The following NR1I2 variants were observed in gnomAD, a reference collection of about 807,000 sequenced individuals.
NR1I2 encodes nuclear receptor subfamily 1 group I member 2, also known as orphan nuclear receptor PAR1.
NR1I2 carries 42 observed loss-of-function variants against 43.3 expected under a neutral mutation model. That is an observed-to-expected ratio of 0.97 (90% CI 0.76 to 1.26). The LOEUF is 1.26. Among genes scored for constraint, NR1I2 ranks in the 50% most tolerant of loss-of-function variants. The pLI is 0.00. For missense variants in NR1I2, 559 were observed against 566.7 expected (o/e 0.99, Z 0.14); for synonymous variants, 229 against 215.0 (o/e 1.06, Z -0.57).
chr3:119,815,281 G>T (rs1438587561), intron 6 of NR1I2, 42 bp from the exon 7 acceptor site: 1 of 1,585,906 alleles, frequency 6.3e-7, no homozygotes, highest in South Asian at 1.1e-5. Flanking sequence ...ATCTTGGTCA[G>T]CTTGCTGAGA....
chr3:119,811,808 A>G, intron 4 of NR1I2, 82 bp downstream of exon 4: 1 of 1,329,416 alleles, frequency 7.5e-7, no homozygotes, highest in Non-Finnish European at 1.1e-6. Context: ...AAGGATAAGA[A>G]ACTTATACAA....
chr3:119,809,361 C>T (rs2055203369), intron 2 of NR1I2, among the ~76,000 whole-genome samples: 1 of 152,002 alleles, frequency 6.6e-6, no homozygotes, highest in Non-Finnish European at 1.5e-5. Flanking sequence ...TGTGCGGGCC[C>T]GTGGGTCCCG....
At chr3:119,793,781 G>A (rs934761111) in intron 1 of NR1I2, among the ~76,000 whole-genome samples, 2 of 152,202 alleles carry the variant, frequency 1.3e-5, no homozygotes, top group African/African-American at 4.8e-5. Context: ...CTGGGGATAA[G>A]GGTGCAGACA....
intron 1 of NR1I2, among the ~76,000 whole-genome samples, chr3:119,803,349 A>AAGAGAGAG (rs3030842): frequency 8.1e-5 from 12 of 148,016 alleles, no homozygotes; most frequent in African/African-American, 3.0e-4. Context: ...TCTGTCTCAA[A>AAGAGAGAG]AGAGAGAGAG....
At chr3:119,809,976 G>C (rs762516816) in intron 2 of NR1I2, 85 bp from the exon 3 acceptor site, 320 of 1,567,906 alleles carry the variant, frequency 2.0e-4, no homozygotes, top group Non-Finnish European at 2.6e-4. Context: ...GTAGGGGCTG[G>C]GGAGGGAGGT....
chr3:119,816,416 C>T (rs1396491377), intron 8 of NR1I2, among the ~76,000 whole-genome samples: 1 of 152,188 alleles, frequency 6.6e-6, no homozygotes, highest in Admixed American at 6.5e-5. Flanking sequence ...TCCACAACGA[C>T]TCTGCTCAGT....
rs2054931774 is a variant in NR1I2 at position 119,792,318 on chromosome 3, G to A, written c.-23+10018G>A. ...AGCCACCTTTGGGCTCATCCTGGATGATGTGTCTTTGACACATCTGACCTT... is the reference window on the plus strand; with the variant it reads ...AGCCACCTTTGGGCTCATCCTGGATAATGTGTCTTTGACACATCTGACCTT... On this transcript the variant is annotated intron_variant, in intron 1 of 8. Transcript: ENST00000393716. 2.1e-6 allele frequency: 3 copies of A among 1,444,100 alleles called. No individual in the cohort carries two copies. In the East Asian group the frequency reaches 6.9e-5, roughly 33 times the overall value. The allele number at this position is 1,444,100 out of a possible 1,614,324, so 89.5% of individuals were successfully genotyped here.
chr3:119,812,636 T>G, intron 4 of NR1I2, 50 bp from the exon 5 acceptor site: 1 of 1,610,474 alleles, frequency 6.2e-7, no homozygotes, highest in East Asian at 2.2e-5. Context: ...GACCTGTCTA[T>G]GAAAGCACAT....
chr3:119,817,180 A>G lies in NR1I2; in HGVS notation c.1273A>G (p.Met425Val), dbSNP rs1030264620. The change falls in exon 9 of 9, where the codon ATG (methionine) becomes GTG (valine). Residue 425 changes from methionine (M) to valine (V), a missense_variant. By Grantham distance (21) the Met-to-Val change is conservative. Coordinates refer to ENST00000393716, the MANE Select transcript of NR1I2 (RefSeq NM_003889.4). ...CATACACCCCTTTGCTACGCCCCTCATGCAGGAGTTGTTCGGCATCACAGG... is the reference window on the plus strand; with the variant it reads ...CATACACCCCTTTGCTACGCCCCTCGTGCAGGAGTTGTTCGGCATCACAGG... The G allele has an allele frequency of 7.4e-6, 12 of 1,614,130 alleles. No individual in the cohort carries two copies. The highest frequency in any genetic ancestry group is 1.0e-5 in the Non-Finnish European group (12 of 1,180,020).
Position 119,814,975 on chromosome 3 carries a change from C to T in NR1I2, c.795-4C>T. 1 of 1,614,110 alleles carries T rather than the reference C, an allele frequency of 6.2e-7. No individual in the cohort carries two copies. On this transcript the variant is annotated splice_polypyrimidine_tract_variant and splice_region_variant and intron_variant, in intron 5 of 8. Coordinates refer to ENST00000393716, the MANE Select transcript of NR1I2 (RefSeq NM_003889.4). ...TGTCCTCCCCTCCCCATCCTTGCTGCCAGGGACTTGCCCATCGAGGACCAG... is the reference window on the plus strand; with the variant it reads ...TGTCCTCCCCTCCCCATCCTTGCTGTCAGGGACTTGCCCATCGAGGACCAG...
intron 2 of NR1I2, among the ~76,000 whole-genome samples, chr3:119,808,282 CTCCCCTTGTGGGGGCACAGTGCTGGGG>C (rs1196873012): frequency 6.6e-6 from 1 of 152,252 alleles, no homozygotes; most frequent in Non-Finnish European, 1.5e-5. Context: ...TGCAGTCTGG[CTCCCCTTGTGGGGGCACAGTGCTGGGG>C]CCCCAGGCAG....
intron 2 of NR1I2, 38 bp from the exon 3 acceptor site, chr3:119,810,023 C>A: frequency 6.2e-7 from 1 of 1,613,186 alleles, no homozygotes; most frequent in Non-Finnish European, 8.5e-7. Flanking sequence ...GGCCCGGGCA[C>A]CCGTGCATCC....
intron 3 of NR1I2, chr3:119,810,976 C>G (rs1280176381): frequency 2.0e-5 from 3 of 153,606 alleles, no homozygotes; most frequent in Non-Finnish European, 4.3e-5. Context: ...TAAGCTGTAG[C>G]CCAGCTCTCT....
chr3:119,809,792 C>G (rs1450715027), intron 2 of NR1I2, among the ~76,000 whole-genome samples: 1 of 152,102 alleles, frequency 6.6e-6, no homozygotes, highest in Non-Finnish European at 1.5e-5. Context: ...TGGGGCTGCC[C>G]GCGCCAGCGA....
At chr3:119,814,303 G>A (rs553590014) in intron 5 of NR1I2, among the ~76,000 whole-genome samples, 8 of 152,278 alleles carry the variant, frequency 5.3e-5, no homozygotes, top group South Asian at 4.1e-4. Flanking sequence ...CTGCAGGACC[G>A]GAAGGGTATC....
intron 1 of NR1I2, among the ~76,000 whole-genome samples, chr3:119,798,418 T>C (rs1186173396): frequency 6.6e-6 from 1 of 152,186 alleles, no homozygotes; most frequent in Non-Finnish European, 1.5e-5. Context: ...ATACCTTATG[T>C]ATCATAAAGT....
Position 119,818,392 on chromosome 3 carries a change from G to A in NR1I2, c.*1180G>A, listed in dbSNP as rs1056759981. The A allele has an allele frequency of 1.0e-6, 1 of 985,114 alleles. No homozygotes were observed. Among genetic ancestry groups the A allele is most frequent in the East Asian group, 1.1e-4 (1 of 8,814 alleles). The allele number at this position is 985,114 out of a possible 1,614,324, so 61.0% of individuals were successfully genotyped here. On this transcript the variant is annotated 3_prime_UTR_variant, in exon 9 of 9. Coordinates refer to ENST00000393716, the MANE Select transcript of NR1I2 (RefSeq NM_003889.4). ...TTTTCACAAATTATACTTTATATAA[G>A]GCATTCCACACCTAAGAACTAGTTT...
chr3:119,817,580 A>C lies in NR1I2; in HGVS notation c.*368A>C. ...TGTGGAAGGGACCAAGCGACCAAGG[A>C]TGGGCCATCTGGGGTCTATGCCCAC... On this transcript the variant is annotated 3_prime_UTR_variant, in exon 9 of 9. Transcript: ENST00000393716. 1 of 1,185,920 alleles carries C rather than the reference A, an allele frequency of 8.4e-7. No individual in the cohort carries two copies. The highest frequency in any genetic ancestry group is 1.1e-6 in the Non-Finnish European group (1 of 943,940). The allele number at this position is 1,185,920 out of a possible 1,614,324, so 73.5% of individuals were successfully genotyped here.
intron 1 of NR1I2, among the ~76,000 whole-genome samples, chr3:119,793,152 G>A (rs868044739): frequency 6.6e-6 from 1 of 152,258 alleles, no homozygotes; most frequent in African/African-American, 2.4e-5. Context: ...GCAGATGCTG[G>A]TGCCAAGCTT....
Sources: allele counts gnomAD v4.1 joint callset (sites outside exome capture counted in the v4.1 genomes callset), GRCh38; gene constraint gnomAD v4.1.1; transcripts MANE v1.5; gene names NCBI Gene and HGNC (gene_info 2026-07-23, HGNC 2026-07-21).